The following SPRY3 variants were observed in gnomAD, a reference collection of about 807,000 sequenced individuals.
SPRY3 encodes the protein sprouty RTK signaling antagonist 3.
A neutral mutation model predicts 20.2 loss-of-function variants in SPRY3; 15 were observed. That is an observed-to-expected ratio of 0.74 (90% confidence interval 0.50 to 1.14). The LOEUF is 1.14. Among genes scored for constraint, SPRY3 ranks in the 50% most tolerant of loss-of-function variants. The pLI is 0.00. For synonymous variants in SPRY3, 143 were observed against 136.5 expected (o/e 1.05, Z -0.33); for missense variants, 364 against 363.9 (o/e 1.00, Z 0.00).
intron 2 of SPRY3, among the ~76,000 whole-genome samples, chrX:155,740,364 T>C (rs910106246): frequency 2.0e-5 from 3 of 152,132 alleles, no homozygotes; most frequent in African/African-American, 7.2e-5. Context: ...TCAGGCAGAA[T>C]AGAGCCATAT....
intron 2 of SPRY3, among the ~76,000 whole-genome samples, chrX:155,725,754 C>T (rs1204064792): frequency 6.6e-6 from 1 of 151,920 alleles, no homozygotes; most frequent in Non-Finnish European, 1.5e-5. Context: ...TTTTGTTGAT[C>T]TTTCCAAAAA....
chrX:155,661,197 T>A (rs1346279150), intron 2 of SPRY3, among the ~76,000 whole-genome samples: 1 of 112,195 alleles, frequency 8.9e-6, no homozygotes, highest in Non-Finnish European at 1.9e-5. Flanking sequence ...GAAAATTCCT[T>A]TCAGCATTTC....
chrX:155,667,659 T>C (rs1218199666), intron 2 of SPRY3, among the ~76,000 whole-genome samples: 1 of 110,845 alleles, frequency 9.0e-6, no homozygotes, highest in Non-Finnish European at 1.9e-5. Context: ...CATCAAAACA[T>C]ACCATTAATA....
At chrX:155,668,105 C>T (rs1391707892) in intron 2 of SPRY3, among the ~76,000 whole-genome samples, 4 of 110,854 alleles carry the variant, frequency 3.6e-5, no homozygotes, top group African/African-American at 1.3e-4. Context: ...CTCCTAAATG[C>T]ATAACCAACA....
chrX:155,647,997 C>T (rs1557352006), intron 1 of SPRY3, among the ~76,000 whole-genome samples: 1 of 111,987 alleles, frequency 8.9e-6, no homozygotes, highest in African/African-American at 3.2e-5. Context: ...GATCGCCATT[C>T]TAACTGGCAT....
At chrX:155,703,776 C>A (rs760979788) in intron 2 of SPRY3, among the ~76,000 whole-genome samples, 1 of 151,916 alleles carries the variant, frequency 6.6e-6, no homozygotes, top group South Asian at 2.1e-4. Context: ...TCCCTCTACA[C>A]ACTGCTTTGA....
At chrX:155,710,599 A>G (rs2090979807) in intron 2 of SPRY3, among the ~76,000 whole-genome samples, 1 of 151,770 alleles carries the variant, frequency 6.6e-6, no homozygotes. Flanking sequence ...AGATCATATC[A>G]TCTGCAAACA....
At chrX:155,781,792 T>A (rs1483214823), downstream of SPRY3, 2 of 167,024 alleles carry the variant, frequency 1.2e-5, no homozygotes, top group African/African-American at 4.8e-5. Context: ...ATAAAAGTTG[T>A]TTTTATTTTA....
chrX:155,713,809 C>G (rs1223466710), intron 2 of SPRY3, among the ~76,000 whole-genome samples: 1 of 152,056 alleles, frequency 6.6e-6, no homozygotes, highest in Non-Finnish European at 1.5e-5. Context: ...CCTACCTTCT[C>G]TTTAAGGCCA....
chrX:155,717,934 G>A (rs1333167630), intron 2 of SPRY3, among the ~76,000 whole-genome samples: 1 of 152,040 alleles, frequency 6.6e-6, no homozygotes, highest in Non-Finnish European at 1.5e-5. Context: ...CCTGCCCTAT[G>A]CTCCAAGTCA....
At chrX:155,779,858 A>C (rs1193062072), downstream of SPRY3, 2 of 166,964 alleles carry the variant, frequency 1.2e-5, no homozygotes, top group African/African-American at 4.8e-5. Flanking sequence ...TTGTCACATA[A>C]AGCAAAAGCA....
At chrX:155,641,577 CACCCTTTAA>C (rs2067940821) in intron 1 of SPRY3, among the ~76,000 whole-genome samples, 1 of 115,099 alleles carries the variant, frequency 8.7e-6, no homozygotes, top group East Asian at 2.7e-4. Flanking sequence ...ATTTTTTGAT[CACCCTTTAA>C]ACCCTTTAAG....
intron 1 of SPRY3, among the ~76,000 whole-genome samples, chrX:155,641,232 C>A (rs137996724): frequency 8.9e-6 from 1 of 111,827 alleles, no homozygotes; most frequent in African/African-American, 3.3e-5. Context: ...GTTGATTTGC[C>A]TATATTAAAC....
At chrX:155,744,630 GA>G (rs1351402321) in intron 2 of SPRY3, among the ~76,000 whole-genome samples, 1 of 151,664 alleles carries the variant, frequency 6.6e-6, no homozygotes, top group Non-Finnish European at 1.5e-5. Context: ...AAAACAGAAG[GA>G]AAAAAATACA....
chrX:155,740,888 A>T (rs1056077218), intron 2 of SPRY3, among the ~76,000 whole-genome samples: 1 of 152,274 alleles, frequency 6.6e-6, no homozygotes, highest in East Asian at 1.9e-4. Context: ...TCAGGTGGGC[A>T]TCACGGTCCT....
chrX:155,768,498 G>C (rs376814067), intron 3 of SPRY3, among the ~76,000 whole-genome samples: 55 of 151,934 alleles, frequency 3.6e-4, no homozygotes, highest in Non-Finnish European at 5.7e-4. Context: ...GACAGAGAGA[G>C]AGCCCGTGCT....
chrX:155,631,041 C>T (rs1557350459), intron 1 of SPRY3, among the ~76,000 whole-genome samples: 1 of 110,534 alleles, frequency 9.0e-6, no homozygotes, highest in Non-Finnish European at 1.9e-5. Context: ...CAGATCCTAT[C>T]ACTCAGGTAG....
intron 2 of SPRY3, among the ~76,000 whole-genome samples, chrX:155,716,981 A>ATATATATATATATATATATATAT (rs2091027297): frequency 7.9e-5 from 5 of 63,500 alleles, no homozygotes; most frequent in African/African-American, 3.6e-4. Flanking sequence ...TAAAATACAA[A>ATATATATATATATATATATATAT]ATATATATAT....
intron 2 of SPRY3, among the ~76,000 whole-genome samples, chrX:155,738,599 C>A (rs1216406594): frequency 6.6e-6 from 1 of 152,130 alleles, no homozygotes; most frequent in African/African-American, 2.4e-5. Flanking sequence ...GGTGATGGCC[C>A]ACCCAGAAGT....
Sources: gnomAD v4.1 joint callset for allele counts (sites outside exome capture counted in the v4.1 genomes callset) on GRCh38, gnomAD v4.1.1 for gene constraint, MANE v1.5 for transcripts, NCBI Gene and HGNC (gene_info 2026-07-23, HGNC 2026-07-21) for gene names.